ZNF337: variants seen among roughly 807,000 people sequenced by gnomAD.
ZNF337 encodes zinc finger protein 337.
In ZNF337, 8 loss-of-function variants were observed where a neutral mutation model predicts 12.1. The observed-to-expected ratio is 0.66, with a 90% confidence interval of 0.39 to 1.19. The LOEUF is 1.19. Among genes scored for constraint, ZNF337 ranks in the 50% most tolerant of loss-of-function variants. The pLI, the probability that ZNF337 is intolerant of heterozygous loss-of-function variation, is 0.01. For synonymous variants in ZNF337, 336 were observed against 320.0 expected (o/e 1.05, Z -0.53); for missense variants, 882 against 896.6 (o/e 0.98, Z 0.21).
At chr20:25,696,169 G>A (rs2065926315) in intron 1 of ZNF337, among the ~76,000 whole-genome samples, 1 of 145,762 alleles carries the variant, frequency 6.9e-6, no homozygotes, top group South Asian at 2.2e-4. Flanking sequence ...ATCCGCGGAA[G>A]ATCGTCCCAA....
At chr20:25,683,967 TGA>T (rs1252359353) in intron 4 of ZNF337, among the ~76,000 whole-genome samples, 3 of 151,808 alleles carry the variant, frequency 2.0e-5, no homozygotes, top group Non-Finnish European at 2.9e-5. Flanking sequence ...TGTCCAACAA[TGA>T]TAGACTGGAT....
chr20:25,684,421 T>C (rs1432007006), intron 4 of ZNF337, among the ~76,000 whole-genome samples: 1 of 151,918 alleles, frequency 6.6e-6, no homozygotes, highest in East Asian at 1.9e-4. Flanking sequence ...AAAACCACAA[T>C]GAGATACCAT....
Position 25,674,784 on chromosome 20 carries a change from G to A in ZNF337, c.*248C>T, listed in dbSNP as rs2065655635. 1 of 551,860 alleles carries A rather than the reference G, an allele frequency of 1.8e-6. No individual in the cohort carries two copies. Among genetic ancestry groups the A allele is most frequent in the South Asian group, 2.3e-5 (1 of 43,334 alleles). The allele number at this position is 551,860 out of a possible 1,614,324, so 34.2% of individuals were successfully genotyped here. A position where few individuals can be genotyped will look rare whatever the true frequency, so the allele number is the denominator to read the frequency against. The stretch of plus-strand genomic sequence containing the variant: ...AAGAATATGTGCTCAGTAGGAAAGA[G>A]ACCACATTTCCCCAATAGCCCAGGT... On this transcript the variant is annotated 3_prime_UTR_variant, in exon 5 of 5. Transcript: ENST00000252979.
intron 1 of ZNF337, among the ~76,000 whole-genome samples, chr20:25,691,664 G>A (rs1390265062): frequency 1.3e-5 from 2 of 152,176 alleles, no homozygotes; most frequent in African/African-American, 2.4e-5. Flanking sequence ...CTCTCAGAGT[G>A]GACCAAAATG....
At chr20:25,678,763 C>G (rs933027831) in intron 4 of ZNF337, among the ~76,000 whole-genome samples, 3 of 151,792 alleles carry the variant, frequency 2.0e-5, no homozygotes, top group Non-Finnish European at 4.4e-5. Context: ...CTGGGCAACA[C>G]GATGAGACCC....
chr20:25,680,766 T>C (rs1278858046), intron 4 of ZNF337: 1 of 152,276 alleles, frequency 6.6e-6, no homozygotes, highest in African/African-American at 2.4e-5. Context: ...ATTTTGGCAC[T>C]ATCCACATAC....
chr20:25,675,817 G>A lies in ZNF337; in HGVS notation c.1471C>T (p.Arg491Trp), dbSNP rs757742443. 1.4e-5 allele frequency: 23 copies of A among 1,612,876 alleles called. No homozygotes were observed. The highest frequency in any genetic ancestry group is 4.4e-5 in the South Asian group (4 of 91,010). ...THSEEKPYGC[R>W]ECGRRFRDKS... ...TCCCGAAACCTTCGCCCACACTCCC[G>A]ACATCCATAAGGCTTCTCCTCTGAG... The change falls in exon 5 of 5, where the codon CGG (arginine) becomes TGG (tryptophan). Residue 491 changes from arginine to tryptophan, a missense_variant. Arg to Trp is a moderately radical substitution (Grantham distance 101). Coordinates refer to ENST00000252979, the MANE Select transcript of ZNF337 (RefSeq NM_015655.4).
Position 25,690,597 on chromosome 20 carries a change from A to T in ZNF337, c.-49-4131T>A, listed in dbSNP as rs561637253. On this transcript the variant is annotated intron_variant, in intron 1 of 4. Coordinates refer to ENST00000252979, the MANE Select transcript of ZNF337 (RefSeq NM_015655.4). ...CCTTAGGGAAGAAAAGCACTGGATCATGCTTGGCAAAGATGCAGACAGATT... is the reference window on the plus strand; with the variant it reads ...CCTTAGGGAAGAAAAGCACTGGATCTTGCTTGGCAAAGATGCAGACAGATT... Among the ~76,000 whole-genome samples, 5 of 152,344 alleles carry T rather than the reference A, an allele frequency of 3.3e-5. No homozygotes were observed. The East Asian group carries it at 9.6e-4, about 29-fold the overall frequency.
chr20:25,685,079 A>G (rs1045795456), intron 4 of ZNF337, among the ~76,000 whole-genome samples: 1 of 152,004 alleles, frequency 6.6e-6, no homozygotes, highest in African/African-American at 2.4e-5. Context: ...TACCTATGTA[A>G]CAAACCTGCA....
chr20:25,692,700 C>T (rs6037195), intron 1 of ZNF337, among the ~76,000 whole-genome samples: 1 of 151,998 alleles, frequency 6.6e-6, no homozygotes, highest in Non-Finnish European at 1.5e-5. Context: ...CCATCTGTTG[C>T]CATCTGTGGG....
At chr20:25,687,875 T>G (rs985559373) in intron 1 of ZNF337, among the ~76,000 whole-genome samples, 1 of 152,218 alleles carries the variant, frequency 6.6e-6, no homozygotes, top group African/African-American at 2.4e-5. Context: ...CTACTTTTCC[T>G]TTTTAAACAA....
At chr20:25,682,365 T>C (rs1287418421) in intron 4 of ZNF337, among the ~76,000 whole-genome samples, 1 of 152,152 alleles carries the variant, frequency 6.6e-6, no homozygotes, top group African/African-American at 2.4e-5. Context: ...TAACCCTGCA[T>C]GTATTTAATA....
Position 25,675,091 on chromosome 20 carries a change from T to C in ZNF337, c.2197A>G (p.Lys733Glu). Residue 733 changes from lysine (K) to glutamate (E), a missense_variant, in exon 5 of 5, where the codon AAG (lysine) becomes GAG (glutamate). By Grantham distance (56) the Lys-to-Glu change is moderately conservative. Coordinates refer to ENST00000252979, the MANE Select transcript of ZNF337 (RefSeq NM_015655.4). Reference protein sequence around the residue: ...SNKSYYSKHLKRHLREKRFCT... With the variant: ...SNKSYYSKHLERHLREKRFCT... ...AAACGCTTCTCACGTAAGTGTCTCT[T>C]TAAGTGCTTACTGTAGTATGACTTA... 1 of 1,613,924 alleles carries C rather than the reference T, an allele frequency of 6.2e-7. No homozygotes were observed. The highest frequency in any genetic ancestry group is 1.3e-5 in the African/African-American group (1 of 74,948).
intron 1 of ZNF337, among the ~76,000 whole-genome samples, chr20:25,694,127 A>G (rs2065902334): frequency 6.6e-6 from 1 of 152,192 alleles, no homozygotes; most frequent in Non-Finnish European, 1.5e-5. Flanking sequence ...TATTCATTAT[A>G]ATATTTAACA....
intron 1 of ZNF337, among the ~76,000 whole-genome samples, chr20:25,690,649 T>A (rs964691642): frequency 1.3e-5 from 2 of 152,150 alleles, no homozygotes; most frequent in Admixed American, 1.3e-4. Context: ...GGGCAAGATA[T>A]TATGGGTGGA....
chr20:25,689,258 C>T (rs1296033586), intron 1 of ZNF337, among the ~76,000 whole-genome samples: 9 of 152,152 alleles, frequency 5.9e-5, no homozygotes, highest in East Asian at 3.9e-4. Context: ...GAGCGGAGAC[C>T]GTGCCACTGC....
Position 25,675,786 on chromosome 20 carries a change from G to T in ZNF337, c.1502C>A (p.Ser501Tyr). 6.2e-7 allele frequency: 1 copy of T among 1,613,694 alleles called. No homozygotes were observed. The highest frequency in any genetic ancestry group is 8.5e-7 in the Non-Finnish European group (1 of 1,179,924). The change falls in exon 5 of 5, where the codon TCC becomes TAC. Residue 501 changes from serine (S) to tyrosine (Y), a missense_variant. By Grantham distance (144) the Ser-to-Tyr change is moderately radical. Transcript: ENST00000252979. The stretch of plus-strand genomic sequence containing the variant: ...TGCCCTCAGGTGCTTGTTATAGGAG[G>T]ACTTATCCCGAAACCTTCGCCCACA... ...RECGRRFRDK[S>Y]SYNKHLRAHL...
intron 1 of ZNF337, among the ~76,000 whole-genome samples, chr20:25,691,409 G>C (rs1727949390): frequency 6.6e-6 from 1 of 152,176 alleles, no homozygotes; most frequent in Non-Finnish European, 1.5e-5. Context: ...TTTGAAGACA[G>C]ACATGAATCT....
chr20:25,690,406 C>A (rs936941128), intron 1 of ZNF337, among the ~76,000 whole-genome samples: 1 of 152,200 alleles, frequency 6.6e-6, no homozygotes. Flanking sequence ...GCCTATAGAT[C>A]CCTGGGGCAA....
Sources: allele counts gnomAD v4.1 joint callset (sites outside exome capture counted in the v4.1 genomes callset), GRCh38; gene constraint gnomAD v4.1.1; transcripts MANE v1.5; gene names NCBI Gene and HGNC (gene_info 2026-07-23, HGNC 2026-07-21).